The following UBAP2 variants were observed in gnomAD, a reference collection of about 807,000 sequenced individuals.
The protein encoded by UBAP2 is ubiquitin associated protein 2.
A neutral mutation model predicts 139.6 loss-of-function variants in UBAP2; 75 were observed. That is an observed-to-expected ratio of 0.54 (90% CI 0.45 to 0.65). UBAP2 has a LOEUF of 0.65. Ranked by LOEUF, UBAP2 falls within the 30% of genes least tolerant of loss-of-function variation. The pLI, the probability that UBAP2 is intolerant of heterozygous loss-of-function variation, is 0.00. For synonymous variants in UBAP2, 526 were observed against 526.2 expected, an observed-to-expected ratio of 1.00 and a Z score of 0.01; for missense variants, 1,368 against 1,369.6, an observed-to-expected ratio of 1.00 and a Z score of 0.02.
intron 1 of UBAP2, among the ~76,000 whole-genome samples, chr9:34,043,357 G>A (rs1205854469): frequency 6.6e-6 from 1 of 152,028 alleles, no homozygotes; most frequent in African/African-American, 2.4e-5. Flanking sequence ...AGTAAAGACA[G>A]GGTTTTGCCA....
At chr9:33,991,943 A>G (rs1042597174) in intron 4 of UBAP2, among the ~76,000 whole-genome samples, 5 of 152,150 alleles carry the variant, frequency 3.3e-5, no homozygotes, top group Non-Finnish European at 5.9e-5. Context: ...GAAACACTTT[A>G]CCCCATTTCA....
intron 2 of UBAP2, among the ~76,000 whole-genome samples, chr9:34,008,128 G>A (rs910869445): frequency 2.0e-5 from 3 of 151,564 alleles, no homozygotes; most frequent in Non-Finnish European, 4.4e-5. Flanking sequence ...AGTGAGACTC[G>A]TCTCAAAAAA....
chr9:34,000,469 T>C (rs1442526548), intron 2 of UBAP2, among the ~76,000 whole-genome samples: 2 of 152,166 alleles, frequency 1.3e-5, no homozygotes, highest in African/African-American at 2.4e-5. Flanking sequence ...ACCGTAATTA[T>C]TACAACAGGG....
chr9:33,955,629 G>A (rs1341994033), intron 11 of UBAP2, among the ~76,000 whole-genome samples: 2 of 151,754 alleles, frequency 1.3e-5, no homozygotes, highest in African/African-American at 2.4e-5. Flanking sequence ...GGGAATTCGA[G>A]ACCAGCCTGA....
At chr9:34,035,772 CT>C (rs1826311974) in intron 1 of UBAP2, among the ~76,000 whole-genome samples, 1 of 151,874 alleles carries the variant, frequency 6.6e-6, no homozygotes, top group African/African-American at 2.4e-5. Context: ...AAAATGCAAA[CT>C]GTTTATTCCT....
Position 33,922,907 on chromosome 9 carries a change from G to A in UBAP2, c.3073-29C>T, listed in dbSNP as rs750880901. The A allele has an allele frequency of 4.3e-6, 7 of 1,612,972 alleles. No individual in the cohort carries two copies. The South Asian group carries it at 5.5e-5, about 13-fold the overall frequency. ...CAGGGCAAAGAAGACAATGGTGAAG[G>A]TCAGGTTGGGCTGTAACCTCTCAAA... On this transcript the variant is annotated intron_variant, in intron 27 of 28. Transcript: ENST00000379238.
intron 1 of UBAP2, among the ~76,000 whole-genome samples, chr9:34,041,579 C>T (rs1827098179): frequency 6.6e-6 from 1 of 151,488 alleles, no homozygotes; most frequent in Non-Finnish European, 1.5e-5. Context: ...TGTCTGTAAT[C>T]CCAGCTACTC....
At chr9:33,994,995 C>A (rs1402288179) in intron 4 of UBAP2, 1 of 152,082 alleles carries the variant, frequency 6.6e-6, no homozygotes, top group Non-Finnish European at 1.5e-5. Context: ...ATGTGTTCAT[C>A]TTTGTATCCT....
At chr9:33,941,958 G>A (rs1379694875) in intron 15 of UBAP2, 96 bp from the exon 16 acceptor site, 7 of 818,098 alleles carry the variant, frequency 8.6e-6, no homozygotes, top group South Asian at 6.8e-5. Flanking sequence ...TGCAACTACT[G>A]CATCAATTTA....
At chr9:33,937,255 T>TAA (rs1302331942) in intron 16 of UBAP2, among the ~76,000 whole-genome samples, 1 of 152,128 alleles carries the variant, frequency 6.6e-6, no homozygotes, top group East Asian at 1.9e-4. Flanking sequence ...AGGTTCAATT[T>TAA]AACTGCGTCT....
chr9:33,999,958 T>C lies in UBAP2; in HGVS notation c.100-1094A>G, dbSNP rs768334937. On this transcript the variant is annotated intron_variant, in intron 2 of 28. Transcript: ENST00000379238. ...TCGCCCAGGCTGGAGTATTTATTTATTTATTTTGAGATGGAGTCTCACTCT... is the reference window on the plus strand; with the variant it reads ...TCGCCCAGGCTGGAGTATTTATTTACTTATTTTGAGATGGAGTCTCACTCT... Among the ~76,000 whole-genome samples the C allele has an allele frequency of 7.2e-5, 11 of 151,868 alleles. No homozygotes were observed. The East Asian group carries it at 1.7e-3, about 24-fold the overall frequency.
intron 1 of UBAP2, among the ~76,000 whole-genome samples, chr9:34,043,274 C>T (rs1564078365): frequency 6.6e-6 from 1 of 152,074 alleles, no homozygotes; most frequent in Non-Finnish European, 1.5e-5. Context: ...CAGGCTTAAG[C>T]AATCCTCCAA....
At chr9:33,964,034 C>G (rs112347259) in intron 8 of UBAP2, among the ~76,000 whole-genome samples, 2 of 152,174 alleles carry the variant, frequency 1.3e-5, no homozygotes, top group African/African-American at 4.8e-5. Flanking sequence ...GTTTACCAAG[C>G]TCCCTTCTCA....
In UBAP2 at chr9:33,962,680, A is replaced by ATAAATAAT. The variant is rs368021223; in HGVS notation, c.745+1045_745+1046insATTATTTA. 4.5e-3 allele frequency among the ~76,000 whole-genome samples: 660 copies of ATAAATAAT among 145,598 alleles called. 4 individuals are homozygous for ATAAATAAT. Among genetic ancestry groups the ATAAATAAT allele is most frequent in the African/African-American group, 0.013 (528 of 39,264 alleles). On this transcript the variant is annotated intron_variant, in intron 9 of 28. Transcript: ENST00000379238. Reference sequence around the variant, plus strand: ...AATAAATAAATAAATAAATAAATAAATAATTAAAAAATAGGGCCTGGAGCA... The same window carrying ATAAATAAT: ...AATAAATAAATAAATAAATAAATAAATAAATAATTAATTAAAAAATAGGGCCTGGAGCA...
At chr9:33,954,075 T>C (rs1826332305) in intron 11 of UBAP2, among the ~76,000 whole-genome samples, 1 of 152,000 alleles carries the variant, frequency 6.6e-6, no homozygotes, top group African/African-American at 2.4e-5. Flanking sequence ...CCCAGCTAAT[T>C]TTTGTATTTT....
Position 33,923,941 on chromosome 9 carries a change from C to G in UBAP2, c.2650G>C (p.Ala884Pro). ...SASPAPATTP[A>P]QPQQSQSQTH... ...TGTGATTGGCTCTGCTGTGGCTGAG[C>G]TGGTGTGGTAGCGGGTGCAGGGGAT... The change falls in exon 24 of 29, where the codon GCT becomes CCT. Residue 884 changes from alanine (A) to proline (P), a missense_variant. By Grantham distance (27) the Ala-to-Pro change is conservative. Coordinates refer to ENST00000379238, the MANE Select transcript of UBAP2 (RefSeq NM_001370062.2). 1 of 1,614,180 alleles carries G rather than the reference C, an allele frequency of 6.2e-7. No individual in the cohort carries two copies. Among genetic ancestry groups the G allele is most frequent in the Non-Finnish European group, 8.5e-7 (1 of 1,180,036 alleles).
At chr9:34,010,605 AATAGAAC>A (rs1300236049) in intron 2 of UBAP2, among the ~76,000 whole-genome samples, 1 of 152,110 alleles carries the variant, frequency 6.6e-6, no homozygotes, top group Non-Finnish European at 1.5e-5. Context: ...GCAAAAAGGT[AATAGAAC>A]ATATGGATAT....
intron 1 of UBAP2, among the ~76,000 whole-genome samples, chr9:34,019,290 C>A (rs986843141): frequency 3.3e-5 from 5 of 152,060 alleles, no homozygotes; most frequent in Admixed American, 2.0e-4. Flanking sequence ...GTAATCCCAG[C>A]AACTCAGGAA....
At chr9:34,011,684 A>C in intron 2 of UBAP2, 2 of 987,286 alleles carry the variant, frequency 2.0e-6, no homozygotes, top group Non-Finnish European at 2.4e-6. Context: ...AAAGAGGAAA[A>C]ATCAGGATCA....
Sources: gnomAD v4.1 joint callset for allele counts (sites outside exome capture counted in the v4.1 genomes callset) on GRCh38, gnomAD v4.1.1 for gene constraint, MANE v1.5 for transcripts, NCBI Gene and HGNC (gene_info 2026-07-23, HGNC 2026-07-21) for gene names.